Variants in LRRTM4 observed in about 807,000 individuals in gnomAD.
The protein encoded by LRRTM4 is leucine rich repeat transmembrane neuronal 4.
Under a neutral mutation model 47.6 loss-of-function variants are expected in LRRTM4, and 25 were observed. The ratio of observed to expected loss-of-function variants is 0.53; its 90% confidence interval spans 0.38 to 0.73. The LOEUF is 0.73. LRRTM4 is among the 30% of genes least tolerant of loss of function. LRRTM4 has a pLI of 0.00. For synonymous variants in LRRTM4, 311 were observed against 269.5 expected, an observed-to-expected ratio of 1.15 and a Z score of -1.51; for missense variants, 638 against 713.4, an observed-to-expected ratio of 0.89 and a Z score of 1.20.
intron 3 of LRRTM4, among the ~76,000 whole-genome samples, chr2:77,292,987 A>G (rs1231527857): frequency 6.6e-6 from 1 of 151,824 alleles, no homozygotes; most frequent in Non-Finnish European, 1.5e-5. Context: ...AAAGTATAAT[A>G]ATAAAAAAAT....
intron 3 of LRRTM4, among the ~76,000 whole-genome samples, chr2:77,444,410 T>G (rs1013312475): frequency 2.6e-5 from 4 of 152,132 alleles, no homozygotes; most frequent in African/African-American, 9.7e-5. Context: ...CTTGCTCTTA[T>G]GACGGAGATA....
chr2:77,099,106 C>T (rs1670884025), intron 3 of LRRTM4, among the ~76,000 whole-genome samples: 1 of 151,748 alleles, frequency 6.6e-6, no homozygotes, highest in Non-Finnish European at 1.5e-5. Context: ...AGACACTATC[C>T]TTTTAGCTAT....
intron 3 of LRRTM4, among the ~76,000 whole-genome samples, chr2:77,026,349 A>AGAGCACAAGC (rs1436507644): frequency 6.6e-6 from 1 of 152,098 alleles, no homozygotes; most frequent in Non-Finnish European, 1.5e-5. Context: ...AAAAGTTAAA[A>AGAGCACAAGC]TCCTTGTGCA....
intron 3 of LRRTM4, among the ~76,000 whole-genome samples, chr2:77,030,016 A>AAC (rs1180716088): frequency 6.6e-6 from 1 of 152,240 alleles, no homozygotes; most frequent in African/African-American, 2.4e-5. Context: ...GAATGTGCAA[A>AAC]ACACAATTAT....
intron 3 of LRRTM4, among the ~76,000 whole-genome samples, chr2:77,165,632 C>T (rs1167101184): frequency 1.3e-5 from 2 of 152,136 alleles, no homozygotes; most frequent in Non-Finnish European, 2.9e-5. Context: ...GGCTTCATCC[C>T]TGGGATGCAA....
intron 3 of LRRTM4, among the ~76,000 whole-genome samples, chr2:76,935,050 A>C (rs550311330): frequency 1.4e-4 from 21 of 152,250 alleles, no homozygotes; most frequent in Non-Finnish European, 2.8e-4. Context: ...TCATTTCACC[A>C]AAAAGAGAAA....
At chr2:77,096,267 G>A (rs531511139) in intron 3 of LRRTM4, among the ~76,000 whole-genome samples, 1 of 151,692 alleles carries the variant, frequency 6.6e-6, no homozygotes, top group Non-Finnish European at 1.5e-5. Context: ...GTGGAATAAT[G>A]CCTTCAAAAT....
chr2:77,017,416 T>G (rs1678107345), intron 3 of LRRTM4, among the ~76,000 whole-genome samples: 1 of 152,088 alleles, frequency 6.6e-6, no homozygotes, highest in African/African-American at 2.4e-5. Context: ...TCCATTTATC[T>G]TTTCTTTTTA....
rs1329125323 is a variant in LRRTM4 at position 77,421,350 on chromosome 2, T to C, written c.1551+96968A>G. 2.0e-5 allele frequency among the ~76,000 whole-genome samples: 3 copies of C among 152,276 alleles called. No individual in the cohort carries two copies. In the East Asian group the frequency reaches 5.8e-4, roughly 29 times the overall value. ...TTTTTTATCTTTGCCCCCAGGGTCA[T>C]TGGCAATGTCTTAGATACCATTTTA... On this transcript the variant is annotated intron_variant, in intron 3 of 3. Transcript: ENST00000409884.
chr2:76,996,545 A>C (rs1478904952), intron 3 of LRRTM4, among the ~76,000 whole-genome samples: 3 of 118,608 alleles, frequency 2.5e-5, no homozygotes, highest in African/African-American at 1.2e-4. Flanking sequence ...AATATTAGTA[A>C]AAATTCACAG....
chr2:77,494,266 A>G (rs959298615), intron 3 of LRRTM4, among the ~76,000 whole-genome samples: 2 of 152,152 alleles, frequency 1.3e-5, no homozygotes, highest in Admixed American at 1.3e-4. Context: ...ACTAAATTTA[A>G]AAATGAAAAG....
intron 3 of LRRTM4, among the ~76,000 whole-genome samples, chr2:77,512,296 G>T (rs1339088749): frequency 6.6e-6 from 1 of 151,974 alleles, no homozygotes; most frequent in African/African-American, 2.4e-5. Context: ...GATACCTTAG[G>T]AAATACTGTG....
At chr2:77,516,069 T>C (rs1573516929) in intron 3 of LRRTM4, among the ~76,000 whole-genome samples, 1 of 151,814 alleles carries the variant, frequency 6.6e-6, no homozygotes, top group Non-Finnish European at 1.5e-5. Flanking sequence ...TGATCTTAAA[T>C]GTATAGCCTA....
In LRRTM4 at chr2:77,306,897, A is replaced by ATTTTT. The variant is rs774697360; in HGVS notation, c.1551+211416_1551+211420dup. Reference sequence around the variant, plus strand: ...AAATAGCTATATACTGCTTTTCCATATTTTTTTTTTTTTTTTTTTTGAGAT... The same window carrying ATTTTT: ...AAATAGCTATATACTGCTTTTCCATATTTTTTTTTTTTTTTTTTTTTTTTTGAGAT... On this transcript the variant is annotated intron_variant, in intron 3 of 3. Coordinates refer to ENST00000409884, the MANE Select transcript of LRRTM4 (RefSeq NM_001134745.3). 3.7e-4 allele frequency among the ~76,000 whole-genome samples: 42 copies of ATTTTT among 112,414 alleles called. 4 individuals are homozygous for ATTTTT. Among genetic ancestry groups the ATTTTT allele is most frequent in the African/African-American group, 1.6e-3 (37 of 23,136 alleles). 73.7% of individuals were successfully genotyped at this position (112,414 alleles called of 152,430 possible).
At chr2:77,311,406 C>T (rs549096246) in intron 3 of LRRTM4, among the ~76,000 whole-genome samples, 1 of 151,952 alleles carries the variant, frequency 6.6e-6, no homozygotes, top group African/African-American at 2.4e-5. Context: ...AAATGGAGTA[C>T]CTGGGTGAAG....
chr2:77,480,829 GAGAGAGAGA>G (rs1170836319), intron 3 of LRRTM4, among the ~76,000 whole-genome samples: 2,864 of 40,814 alleles, frequency 0.07, 43 homozygotes, highest in Middle Eastern at 0.12. Context: ...TGTGGAGAGA[GAGAGAGAGA>G]GAGAGAGAGA....
chr2:77,226,999 T>A (rs1339829424), intron 3 of LRRTM4, among the ~76,000 whole-genome samples: 2 of 151,968 alleles, frequency 1.3e-5, no homozygotes, highest in Non-Finnish European at 2.9e-5. Context: ...AGATGGAAAG[T>A]TAATTAAGTA....
intron 3 of LRRTM4, among the ~76,000 whole-genome samples, chr2:77,035,611 A>G (rs1678811098): frequency 6.6e-6 from 1 of 151,954 alleles, no homozygotes; most frequent in East Asian, 1.9e-4. Context: ...TGTTATTTCA[A>G]TAATTTTATA....
chr2:77,105,598 G>A (rs1258984746), intron 3 of LRRTM4, among the ~76,000 whole-genome samples: 1 of 151,842 alleles, frequency 6.6e-6, no homozygotes, highest in Non-Finnish European at 1.5e-5. Context: ...AACATGGCAC[G>A]TGTATACATA....
Sources: gnomAD v4.1 joint callset for allele counts (sites outside exome capture counted in the v4.1 genomes callset) on GRCh38, gnomAD v4.1.1 for gene constraint, MANE v1.5 for transcripts, NCBI Gene and HGNC (gene_info 2026-07-23, HGNC 2026-07-21) for gene names.